C13orf42: variants seen among roughly 807,000 people sequenced by gnomAD.
C13orf42 encodes the protein chromosome 13 open reading frame 42.
intron 1 of C13orf42, among the ~76,000 whole-genome samples, chr13:51,145,224 C>T (rs1297400007): frequency 6.6e-6 from 1 of 152,140 alleles, no homozygotes; most frequent in East Asian, 1.9e-4. Flanking sequence ...AGCCAGAGAA[C>T]TTAAGCTTCA....
intron 1 of C13orf42, among the ~76,000 whole-genome samples, chr13:51,097,339 A>G (rs1953245480): frequency 6.6e-6 from 1 of 152,264 alleles, no homozygotes; most frequent in Non-Finnish European, 1.5e-5. Context: ...GTGAGCATCA[A>G]GTAATCTGGC....
At chr13:51,133,978 C>T (rs141636274) in intron 1 of C13orf42, among the ~76,000 whole-genome samples, 1,599 of 152,234 alleles carry the variant, frequency 0.011, 17 homozygotes, top group Non-Finnish European at 0.019. Context: ...AGCAGGCATC[C>T]GCACACCTGC....
At chr13:51,171,540 C>T (rs1253048275) in intron 1 of C13orf42, among the ~76,000 whole-genome samples, 1 of 152,098 alleles carries the variant, frequency 6.6e-6, no homozygotes, top group Non-Finnish European at 1.5e-5. Flanking sequence ...CCCTTCCTCC[C>T]CAGGCTGCTC....
At chr13:51,117,112 C>T (rs189927326) in intron 1 of C13orf42, among the ~76,000 whole-genome samples, 7 of 152,322 alleles carry the variant, frequency 4.6e-5, no homozygotes, top group African/African-American at 1.2e-4. Context: ...GCCACATTTC[C>T]TTAGGAAGCT....
chr13:51,127,743 T>C (rs1041966861), intron 1 of C13orf42, among the ~76,000 whole-genome samples: 1 of 152,186 alleles, frequency 6.6e-6, no homozygotes, highest in Non-Finnish European at 1.5e-5. Flanking sequence ...ATTGAAAACA[T>C]TACATTAAGT....
chr13:51,130,522 G>T (rs1166866372), intron 1 of C13orf42, among the ~76,000 whole-genome samples: 2 of 152,116 alleles, frequency 1.3e-5, no homozygotes, highest in African/African-American at 2.4e-5. Context: ...CATTGTAAAA[G>T]AATTTATAAA....
intron 1 of C13orf42, among the ~76,000 whole-genome samples, chr13:51,096,082 G>A (rs994001998): frequency 3.9e-5 from 6 of 152,102 alleles, no homozygotes; most frequent in East Asian, 3.8e-4. Flanking sequence ...ATGGTTACTC[G>A]AAATACATCA....
At chr13:51,154,917 T>C (rs188722027) in intron 1 of C13orf42, among the ~76,000 whole-genome samples, 97 of 152,348 alleles carry the variant, frequency 6.4e-4, no homozygotes, top group African/African-American at 2.2e-3. Context: ...TGAGTCACTG[T>C]CCTGCTTTTA....
At chr13:51,111,323 G>A, upstream of C13orf42, 1 of 397,344 alleles carries the variant, frequency 2.5e-6, no homozygotes. Context: ...CTTCCAGGAG[G>A]CCTCTGATCT....
intron 1 of C13orf42, chr13:51,161,941 T>G (rs1953867919): frequency 6.1e-6 from 3 of 490,516 alleles, no homozygotes; most frequent in Non-Finnish European, 1.2e-5. Context: ...CATCAGTGCT[T>G]CCCACGTTGT....
chr13:51,133,867 C>A (rs544926478), intron 1 of C13orf42, among the ~76,000 whole-genome samples: 2 of 152,316 alleles, frequency 1.3e-5, no homozygotes, highest in Admixed American at 1.3e-4. Context: ...AGGGCCTGTG[C>A]TGAGCAACAT....
chr13:51,114,694 A>C (rs191266050), upstream of C13orf42, among the ~76,000 whole-genome samples: 9 of 147,990 alleles, frequency 6.1e-5, 1 homozygote, highest in Admixed American at 6.1e-4. Context: ...AGACAGACAG[A>C]CAGCTTCTTG....
At chr13:51,156,685 G>A (rs766642649) in intron 1 of C13orf42, among the ~76,000 whole-genome samples, 2 of 152,142 alleles carry the variant, frequency 1.3e-5, no homozygotes, top group African/African-American at 2.4e-5. Flanking sequence ...GGAAAAAATC[G>A]GTATCTACAA....
At chr13:51,138,468 A>G (rs1476741329) in intron 1 of C13orf42, among the ~76,000 whole-genome samples, 3 of 152,184 alleles carry the variant, frequency 2.0e-5, no homozygotes, top group Non-Finnish European at 1.5e-5. Context: ...GGGTATCTGA[A>G]AAGATGTCAC....
intron 1 of C13orf42, among the ~76,000 whole-genome samples, chr13:51,105,900 A>T (rs545393814): frequency 4.6e-5 from 7 of 152,234 alleles, no homozygotes; most frequent in Admixed American, 2.0e-4. Context: ...ACAGAAGCTA[A>T]TTCAGCTGCC....
rs113125769 is a variant in C13orf42 at position 51,083,998 on chromosome 13, T to G, written c.*153A>C. 2.5e-6 allele frequency: 1 copy of G among 393,260 alleles called. No individual in the cohort carries two copies. Among genetic ancestry groups the G allele is most frequent in the Non-Finnish European group, 4.5e-6 (1 of 223,174 alleles). The allele number at this position is 393,260 out of a possible 1,614,324, so 24.4% of individuals were successfully genotyped here. ...GTCCCCTGGGAAGCCACAGGTCTGT[T>G]TGGCACTGGCACGGCACCAGCAGGC... On this transcript the variant is annotated 3_prime_UTR_variant, in exon 4 of 4. Transcript: ENST00000563710.
At chr13:51,162,096 C>T (rs1566142945) in intron 1 of C13orf42, 21 of 329,718 alleles carry the variant, frequency 6.4e-5, no homozygotes, top group South Asian at 5.4e-4. Flanking sequence ...TTTGGAAGTT[C>T]GTGTGCATAA....
At chr13:51,170,425 C>T (rs551915716) in intron 1 of C13orf42, among the ~76,000 whole-genome samples, 15 of 152,262 alleles carry the variant, frequency 9.9e-5, no homozygotes, top group Middle Eastern at 6.8e-3. Context: ...GTCCTCAGAC[C>T]GACCGGCCCA....
upstream of C13orf42, among the ~76,000 whole-genome samples, chr13:51,115,070 A>G (rs1358184220): frequency 6.7e-6 from 1 of 148,616 alleles, no homozygotes; most frequent in East Asian, 1.9e-4. Context: ...TATTTGCTCA[A>G]TCATAGTAAT....
Sources: allele counts gnomAD v4.1 joint callset (sites outside exome capture counted in the v4.1 genomes callset), GRCh38; gene constraint gnomAD v4.1.1; transcripts MANE v1.5; gene names NCBI Gene and HGNC (gene_info 2026-07-23, HGNC 2026-07-21).